The following AGRN variants were observed in gnomAD, a reference collection of about 807,000 sequenced individuals.
AGRN encodes the protein agrin proteoglycan.
In AGRN, 106 loss-of-function variants were observed where a neutral mutation model predicts 211.0. The observed-to-expected ratio is 0.50, with a 90% CI of 0.43 to 0.59. The LOEUF is 0.59. AGRN is among the 20% of genes least tolerant of loss of function. The pLI is 0.00. For synonymous variants in AGRN, 1,525 were observed against 1,332.5 expected, an observed-to-expected ratio of 1.14 and a Z score of -3.15; for missense variants, 3,040 against 2,982.6, an observed-to-expected ratio of 1.02 and a Z score of -0.45.
intron 5 of AGRN, 35 bp downstream of exon 5, chr1:1,041,432 G>A (rs1371266570): frequency 1.9e-6 from 3 of 1,551,608 alleles, no homozygotes; most frequent in Non-Finnish European, 2.6e-6. Context: ...CTCGAGCTCT[G>A]TGGGCGCGCG....
intron 3 of AGRN, among the ~76,000 whole-genome samples, chr1:1,037,070 C>T (rs1644819931): frequency 6.6e-6 from 1 of 152,140 alleles, no homozygotes; most frequent in Non-Finnish European, 1.5e-5. Flanking sequence ...CAGAGAAGGA[C>T]CCGAGTCTTG....
chr1:1,045,007 C>T (rs1570215276), intron 12 of AGRN, among the ~76,000 whole-genome samples, 154 bp from the exon 13 acceptor site: 1 of 152,206 alleles, frequency 6.6e-6, no homozygotes, highest in Non-Finnish European at 1.5e-5. Context: ...GGGAGCCTCA[C>T]CTGTGTCCTC....
In AGRN at chr1:1,025,679, G is replaced by A. The variant is rs1430791750; in HGVS notation, c.463+3217G>A. Among the ~76,000 whole-genome samples the A allele has an allele frequency of 3.3e-5, 5 of 151,882 alleles. No homozygotes were observed. In the East Asian group the frequency reaches 7.8e-4, roughly 24 times the overall value. On this transcript the variant is annotated intron_variant, in intron 2 of 35. Transcript: ENST00000379370. ...CCCTCCCCCAGGCAGGTCTGGGCTC[G>A]AGGCTGCTGCCCCAATCTCCCTCCT...
rs1461738134 is a variant in AGRN, at chr1:1,055,510, C to T, written c.*529C>T. 1 of 216,460 alleles carries T rather than the reference C, an allele frequency of 4.6e-6. No homozygotes were observed. The highest frequency in any genetic ancestry group is 5.3e-5 in the Admixed American group (1 of 18,986). The allele number at this position is 216,460 out of a possible 1,614,324, so 13.4% of individuals were successfully genotyped here. A position where few individuals can be genotyped will look rare whatever the true frequency, so the allele number is the denominator to read the frequency against. On this transcript the variant is annotated 3_prime_UTR_variant, in exon 36 of 36. Coordinates refer to ENST00000379370, the MANE Select transcript of AGRN (RefSeq NM_198576.4). ...CAGCTCTGCGTTGCTCCCGTGCTGC[C>T]TGCGCCAGCCCCAGGCTGCTGAGGA...
intron 33 of AGRN, 100 bp downstream of exon 33, chr1:1,051,915 G>A: frequency 6.4e-7 from 1 of 1,550,592 alleles, no homozygotes; most frequent in Non-Finnish European, 8.7e-7. Flanking sequence ...ACGGCCCGGT[G>A]CTGCCACCTC....
At chr1:1,046,778 A>T in intron 18 of AGRN, 42 bp from the exon 19 acceptor site, 1 of 1,572,778 alleles carries the variant, frequency 6.4e-7, no homozygotes, top group Non-Finnish European at 8.6e-7. Context: ...GCAGGCGCCG[A>T]GAGGCTCCAC....
At chr1:1,051,411 G>T in intron 31 of AGRN, 42 bp downstream of exon 31, 2 of 1,543,196 alleles carry the variant, frequency 1.3e-6, no homozygotes, top group Non-Finnish European at 8.7e-7. Context: ...TCCGGGGCGG[G>T]CGGGGTGGCA....
Position 1,048,232 on chromosome 1 carries a change from G to GGCCCCCC in AGRN, c.3973_3979dup (p.Gln1327ArgfsTer10), listed in dbSNP as rs1645159594. 3.9e-6 allele frequency: 6 copies of GGCCCCCC among 1,544,518 alleles called. No homozygotes were observed. The highest frequency in any genetic ancestry group is 3.9e-5 in the Admixed American group (2 of 51,658). ...GCCGTGTGCCCGGACGTCGGCCCCC[G>GGCCCCCC]GCCCCCCAGCAGCCTCCAAAGCCCT... On this transcript the variant is annotated frameshift_variant, in exon 23 of 36. Coordinates refer to ENST00000379370, the MANE Select transcript of AGRN (RefSeq NM_198576.4). LOFTEE classifies it high-confidence loss of function. This position sits in a 1 kb window ranked among gnomAD's most constrained non-coding sequence, Gnocchi z 5.9.
intron 33 of AGRN, chr1:1,053,137 A>C: frequency 3.7e-6 from 1 of 272,432 alleles, no homozygotes; most frequent in Non-Finnish European, 7.3e-6. Flanking sequence ...CCCTACGCCT[A>C]CCTCCTTGAT....
At position 1,040,659 on chromosome 1, in the gene AGRN, C is replaced by T. The variant is rs988351859; in HGVS notation, c.512-6C>T. ...CACCCTGAGCTTTCTCCCCTACCCG[C>T]CCCAGCGTGCCGGGGAATGCTGTGC... On this transcript the variant is annotated splice_polypyrimidine_tract_variant and splice_region_variant and intron_variant, in intron 3 of 35. Transcript: ENST00000379370. The T allele has an allele frequency of 6.5e-6, 10 of 1,547,116 alleles. No homozygotes were observed. Among genetic ancestry groups the T allele is most frequent in the Admixed American group, 5.9e-5 (3 of 50,956 alleles).
chr1:1,053,929 C>G lies in AGRN; in HGVS notation c.5828C>G (p.Ser1943Cys). 2 of 1,605,078 alleles carry G rather than the reference C, an allele frequency of 1.2e-6. No individual in the cohort carries two copies. The highest frequency in any genetic ancestry group is 1.7e-6 in the Non-Finnish European group (2 of 1,176,674). Reference protein sequence around the residue: ...NLGSQPVVLRSTVPVNTNRWL... With the variant: ...NLGSQPVVLRCTVPVNTNRWL... Reference sequence around the variant, plus strand: ...GGCTCCCAGCCCGTGGTGCTGCGTTCCACCGTGCCCGTCAACACCAACCGC... The same window carrying G: ...GGCTCCCAGCCCGTGGTGCTGCGTTGCACCGTGCCCGTCAACACCAACCGC... The change falls in exon 34 of 36, where the codon TCC (serine) becomes TGC (cysteine). Residue 1943 changes from serine (S) to cysteine (C), a missense_variant. Physicochemically the swap from Ser to Cys is moderately radical, Grantham distance 112 (BLOSUM62 -1). This residue lies in a region of AGRN where 1,537 missense variants were observed against 1,505.0 expected (regional missense o/e 1.02). Transcript: ENST00000379370.
chr1:1,040,933 T>G, intron 4 of AGRN, 53 bp downstream of exon 4: 1 of 1,132,576 alleles, frequency 8.8e-7, no homozygotes, highest in Non-Finnish European at 1.1e-6. Context: ...GCCTATGAGA[T>G]GGAGCGAGGC....
Position 1,049,393 on chromosome 1 carries a change from G to A in AGRN, c.4456G>A (p.Gly1486Ser), listed in dbSNP as rs370103834. Reference protein sequence around the residue: ...VLGESPSGTDGLNLDTDLFVG... With the variant: ...VLGESPSGTDSLNLDTDLFVG... ...GGGCGAGAGTCCCAGTGGCACCGAC[G>A]GCCTCAACCTGGACACAGACCTCTT... The change falls in exon 25 of 36, where the codon GGC (glycine) becomes AGC (serine). Residue 1486 changes from glycine to serine, a missense_variant. Around this residue, in one of 3 missense-constraint regions of AGRN, gnomAD observed 1,537 missense variants for 1,505.0 expected, o/e 1.02. Transcript: ENST00000379370. 7 of 1,598,808 alleles carry A rather than the reference G, an allele frequency of 4.4e-6. No homozygotes were observed. Among genetic ancestry groups the A allele is most frequent in the African/African-American group, 4.0e-5 (3 of 74,850 alleles).
chr1:1,044,908 C>T (rs1045299073), intron 12 of AGRN, among the ~76,000 whole-genome samples: 1 of 152,134 alleles, frequency 6.6e-6, no homozygotes, highest in African/African-American at 2.4e-5. Context: ...TGTGTGTGTG[C>T]ACAGAGCTGC....
rs1339449252 is a variant in AGRN at position 1,047,848 on chromosome 1, T to C, written c.3704T>C (p.Leu1235Ser). 6.2e-7 allele frequency: 1 copy of C among 1,606,124 alleles called. No homozygotes were observed. Among genetic ancestry groups the C allele is most frequent in the Non-Finnish European group, 8.5e-7 (1 of 1,177,146 alleles). The change falls in exon 22 of 36, where the codon TTG becomes TCG. Residue 1235 changes from leucine to serine, a missense_variant. Transcript: ENST00000379370. ...ATCCAGGTGTCCAGGCGCCGGTCCT[T>C]GGGGGTGAGGCGGCCGCTGCAGGAG... is the stretch of plus-strand genomic sequence containing the variant. ...RQIQVSRRRS[L>S]GVRRPLQEHV... is the part of the protein sequence containing the mutation.
intron 33 of AGRN, chr1:1,053,195 G>A (rs966930955): frequency 3.4e-6 from 1 of 293,254 alleles, no homozygotes; most frequent in Admixed American, 5.0e-5. Flanking sequence ...GCACGTGGGT[G>A]TCTGCACGTG....
At chr1:1,039,979 T>G (rs918639870) in intron 3 of AGRN, among the ~76,000 whole-genome samples, 2 of 151,238 alleles carry the variant, frequency 1.3e-5, no homozygotes, top group African/African-American at 4.9e-5. Context: ...TGGGGAAGAG[T>G]TGGGGAGAGG....
rs375711798 is a variant in AGRN at position 1,046,081 on chromosome 1, C to T, written c.2798C>T (p.Ala933Val). 3.3e-5 allele frequency: 53 copies of T among 1,613,930 alleles called. No homozygotes were observed. The highest frequency in any genetic ancestry group is 4.2e-5 in the Non-Finnish European group (50 of 1,180,012). Residue 933 changes from alanine (A) to valine (V), a missense_variant, in exon 16 of 36, where the codon GCT becomes GTT. By Grantham distance (64) the Ala-to-Val change is moderately conservative (BLOSUM62 0). Transcript: ENST00000379370. Reference sequence around the variant, plus strand: ...ATGCTCACCTGTCCAGAGGCCAACGCTACCAAGGTGAGGGGTGTGGGATGT... The same window carrying T: ...ATGCTCACCTGTCCAGAGGCCAACGTTACCAAGGTGAGGGGTGTGGGATGT... Reference protein sequence around the residue: ...CPMLTCPEANATKVCGSDGVT... With the variant: ...CPMLTCPEANVTKVCGSDGVT...
At chr1:1,047,249 T>C in intron 19 of AGRN, 78 bp from the exon 20 acceptor site, 1 of 1,529,282 alleles carries the variant, frequency 6.5e-7, no homozygotes. Context: ...CCTTGTGGCT[T>C]GCTGCTGGGG....
Sources: gnomAD v4.1 joint callset for allele counts (sites outside exome capture counted in the v4.1 genomes callset) on GRCh38, gnomAD v4.1.1 for gene constraint, gnomAD v4.1.1 regional missense constraint, Gnocchi (gnomAD v3.1) non-coding constraint, MANE v1.5 for transcripts, NCBI Gene and HGNC (gene_info 2026-07-23, HGNC 2026-07-21) for gene names.